Variants in KSR2 observed in about 807,000 individuals in gnomAD.
KSR2 encodes kinase suppressor of ras 2.
A neutral mutation model predicts 107.8 loss-of-function variants in KSR2; 25 were observed. That is an observed-to-expected ratio of 0.23 (90% CI 0.17 to 0.32). The LOEUF is 0.32. KSR2 is among the 10% of genes least tolerant of loss of function. The pLI, the probability that KSR2 is intolerant of heterozygous loss-of-function variation, is 1.00. For missense variants in KSR2, 887 were observed against 1,268.9 expected, an observed-to-expected ratio of 0.70 and a Z score of 4.57; for synonymous variants, 480 against 507.0, an observed-to-expected ratio of 0.95 and a Z score of 0.71.
intron 5 of KSR2, among the ~76,000 whole-genome samples, chr12:117,596,124 T>C (rs2136280665): frequency 6.6e-6 from 1 of 150,482 alleles, no homozygotes. Context: ...GGGTAATTTA[T>C]ACAGAAAAAG....
intron 5 of KSR2, among the ~76,000 whole-genome samples, chr12:117,644,464 G>T (rs905147999): frequency 6.6e-6 from 1 of 152,186 alleles, no homozygotes; most frequent in Non-Finnish European, 1.5e-5. Flanking sequence ...GATCTTGTCT[G>T]CATGTTGCAA....
In KSR2 at chr12:117,472,172, G is replaced by A. The variant is rs564147271; in HGVS notation, c.2583-852C>T. 3.3e-5 allele frequency among the ~76,000 whole-genome samples: 5 copies of A among 152,248 alleles called. No individual in the cohort carries two copies. The South Asian group carries it at 1.0e-3, about 32-fold the overall frequency. ...GATAAATGAGAATAATGACAACATT[G>A]CAGTGGAAGGATGTTTATCTGGGAC... On this transcript the variant is annotated intron_variant, in intron 17 of 19. Coordinates refer to ENST00000339824, the MANE Select transcript of KSR2 (RefSeq NM_173598.6).
intron 8 of KSR2, among the ~76,000 whole-genome samples, chr12:117,555,651 T>A (rs1480728390): frequency 6.6e-6 from 1 of 152,260 alleles, no homozygotes; most frequent in Admixed American, 6.5e-5. Flanking sequence ...CATGGTGCCC[T>A]GTCCCTAACT....
intron 4 of KSR2, among the ~76,000 whole-genome samples, chr12:117,733,221 C>T (rs961055968): frequency 6.6e-6 from 1 of 152,130 alleles, no homozygotes; most frequent in Non-Finnish European, 1.5e-5. Flanking sequence ...AACTCCAAAA[C>T]AGCCCTTCCT....
intron 1 of KSR2, among the ~76,000 whole-genome samples, chr12:117,951,316 T>C (rs905152888): frequency 1.2e-4 from 18 of 152,198 alleles, no homozygotes; most frequent in Admixed American, 9.8e-4. Flanking sequence ...CACAAAACAC[T>C]GCTTCTCCAA....
intron 1 of KSR2, among the ~76,000 whole-genome samples, chr12:117,966,203 T>C (rs1896781020): frequency 6.6e-6 from 1 of 152,078 alleles, no homozygotes; most frequent in Non-Finnish European, 1.5e-5. Flanking sequence ...ATGGAGCATG[T>C]TTGAAACAAA....
At chr12:117,890,087 G>A (rs979124199) in intron 1 of KSR2, among the ~76,000 whole-genome samples, 2 of 152,178 alleles carry the variant, frequency 1.3e-5, no homozygotes, top group African/African-American at 2.4e-5. Flanking sequence ...CCAACTTTGC[G>A]TTTCTAACAA....
rs758526987 is a variant in KSR2, at chr12:117,636,011, T to C, written c.1171+31463A>G. On this transcript the variant is annotated intron_variant, in intron 5 of 19. Coordinates refer to ENST00000339824, the MANE Select transcript of KSR2 (RefSeq NM_173598.6). ...TTCTCCATGTTGGCCAGGCTGGTCT[T>C]GAACTCCTGACCTCAGGTAATTCAC... 2.6e-5 allele frequency among the ~76,000 whole-genome samples: 4 copies of C among 152,288 alleles called. No homozygotes were observed. The East Asian group carries it at 5.8e-4, about 22-fold the overall frequency.
At chr12:117,696,201 G>A (rs995543529) in intron 4 of KSR2, among the ~76,000 whole-genome samples, 3 of 152,138 alleles carry the variant, frequency 2.0e-5, no homozygotes, top group Non-Finnish European at 4.4e-5. Flanking sequence ...CCTGCCACCT[G>A]CCACTCCAGG....
chr12:117,766,481 C>T (rs1272280636), intron 3 of KSR2, among the ~76,000 whole-genome samples: 1 of 152,134 alleles, frequency 6.6e-6, no homozygotes, highest in Non-Finnish European at 1.5e-5. Context: ...GTGGTGGTTG[C>T]ACAATCTTGT....
chr12:117,924,141 G>A (rs1235128758), intron 1 of KSR2, among the ~76,000 whole-genome samples: 2 of 151,514 alleles, frequency 1.3e-5, no homozygotes, highest in Non-Finnish European at 2.9e-5. Context: ...GCCTCCCCAA[G>A]TGCTAGGATT....
At chr12:117,775,012 G>A (rs1337868876) in intron 3 of KSR2, among the ~76,000 whole-genome samples, 2 of 152,136 alleles carry the variant, frequency 1.3e-5, no homozygotes. Context: ...TCTTGTTATG[G>A]CTGAATAATA....
rs1876350993 is a variant in KSR2 at position 117,539,846 on chromosome 12, G to A, written c.1560C>T (p.Asn520=). Residue 520 remains asparagine, a synonymous_variant, in exon 10 of 20, where the codon AAC becomes AAT. Transcript: ENST00000339824. ...GCGTGGAGGACGTCGTGGAGGAGGG[G>A]TTGCTGCTGGAGTCTGGCTGGTAAG... ...PVPYQPDSSS[N]PSSTTSSTPS... is the part of the protein sequence containing the mutation. The A allele has an allele frequency of 1.9e-6, 3 of 1,610,714 alleles. No homozygotes were observed. The highest frequency in any genetic ancestry group is 2.5e-6 in the Non-Finnish European group (3 of 1,178,770).
intron 6 of KSR2, among the ~76,000 whole-genome samples, chr12:117,581,254 C>T (rs1177767366): frequency 1.3e-5 from 2 of 152,164 alleles, no homozygotes; most frequent in Non-Finnish European, 2.9e-5. Flanking sequence ...CCCCTGATAT[C>T]ACCCCACCTT....
chr12:117,539,068 GC>G (rs1166596105), intron 10 of KSR2, among the ~76,000 whole-genome samples: 4 of 152,212 alleles, frequency 2.6e-5, no homozygotes, highest in African/African-American at 7.2e-5. Context: ...TCATCTCATA[GC>G]CCAGTGCATA....
chr12:117,489,984 T>TAG (rs1264527688), intron 14 of KSR2, among the ~76,000 whole-genome samples: 1 of 152,134 alleles, frequency 6.6e-6, no homozygotes, highest in East Asian at 1.9e-4. Flanking sequence ...AGGATGAAAG[T>TAG]TTACTGAGTA....
intron 3 of KSR2, among the ~76,000 whole-genome samples, chr12:117,824,501 T>G (rs899255242): frequency 7.9e-5 from 12 of 152,182 alleles, no homozygotes; most frequent in African/African-American, 2.9e-4. Context: ...ATGAATGTAT[T>G]AAATTGTCAC....
chr12:117,965,397 A>C (rs943498963), intron 1 of KSR2, among the ~76,000 whole-genome samples: 3 of 152,232 alleles, frequency 2.0e-5, no homozygotes, highest in African/African-American at 4.8e-5. Flanking sequence ...ATGCAGCTGA[A>C]CACATGCCTA....
chr12:117,502,232 T>C (rs1410576884), intron 14 of KSR2, among the ~76,000 whole-genome samples: 3 of 152,244 alleles, frequency 2.0e-5, no homozygotes, highest in Non-Finnish European at 2.9e-5. Context: ...TAGGCGCATG[T>C]GTGTGTACAT....
Sources: allele counts gnomAD v4.1 joint callset (sites outside exome capture counted in the v4.1 genomes callset), GRCh38; gene constraint gnomAD v4.1.1; transcripts MANE v1.5; gene names NCBI Gene and HGNC (gene_info 2026-07-23, HGNC 2026-07-21).